LOXL1: variants seen among roughly 807,000 people sequenced by gnomAD.
LOXL1 encodes the protein lysyl oxidase like 1.
In LOXL1, 31 loss-of-function variants were observed where a neutral mutation model predicts 62.2. The ratio of observed to expected loss-of-function variants is 0.50; its 90% CI spans 0.37 to 0.67. The LOEUF (loss-of-function observed/expected upper bound fraction) is 0.67, where lower values mean the gene tolerates loss of function less well. LOXL1 is among the 30% of genes least tolerant of loss of function. LOXL1 has a pLI of 0.00. For synonymous variants in LOXL1, 403 were observed against 384.4 expected, an observed-to-expected ratio of 1.05 and a Z score of -0.56; for missense variants, 775 against 843.4, an observed-to-expected ratio of 0.92 and a Z score of 1.00.
rs1403638685 is a variant in LOXL1, at chr15:73,927,461, C to T, written c.678C>T (p.Tyr226=). The T allele has an allele frequency of 1.4e-6, 2 of 1,448,390 alleles. No homozygotes were observed. Among genetic ancestry groups the T allele is most frequent in the East Asian group, 2.8e-5 (1 of 35,346 alleles). The allele number at this position is 1,448,390 out of a possible 1,614,324, so 89.7% of individuals were successfully genotyped here. The change falls in exon 1 of 7, where the codon TAC becomes TAT. Residue 226 remains tyrosine, a synonymous_variant. Coordinates refer to ENST00000261921, the MANE Select transcript of LOXL1 (RefSeq NM_005576.4). ...CCGTGGCCTCGGCGGGGGTCATCTA[C>T]CCCTACCAGCCCCGGGCGCGCTACG... is the stretch of plus-strand genomic sequence containing the variant. ...AAAVASAGVI[Y]PYQPRARYEE...
chr15:73,942,824 TC>T (rs766249320), intron 1 of LOXL1, 29 bp from the exon 2 acceptor site: 3 of 1,362,044 alleles, frequency 2.2e-6, no homozygotes, highest in East Asian at 4.6e-5. Flanking sequence ...TCTTCCTCCC[TC>T]CCCCCTTCTC....
At chr15:73,942,370 T>C (rs2068719940) in intron 1 of LOXL1, among the ~76,000 whole-genome samples, 1 of 151,796 alleles carries the variant, frequency 6.6e-6, no homozygotes, top group African/African-American at 2.4e-5. Flanking sequence ...AGGGCTCTCT[T>C]GGTGGTTTAC....
At chr15:73,946,295 G>A (rs2068746271) in intron 2 of LOXL1, 122 bp from the exon 3 acceptor site, 1 of 673,104 alleles carries the variant, frequency 1.5e-6, no homozygotes, top group Non-Finnish European at 2.6e-6. Flanking sequence ...AGATCTTCAG[G>A]GACAAGGAGT....
At chr15:73,947,931 C>T (rs754073934) in intron 5 of LOXL1, 29 bp downstream of exon 5, 1 of 1,536,650 alleles carries the variant, frequency 6.5e-7, no homozygotes, top group Non-Finnish European at 9.0e-7. Context: ...GGCTTTCCCT[C>T]CAACCTGATG....
chr15:73,951,023 AG>A (rs1164956761), intron 6 of LOXL1, among the ~76,000 whole-genome samples: 1 of 152,208 alleles, frequency 6.6e-6, no homozygotes, highest in Admixed American at 6.5e-5. Flanking sequence ...CCTGCTCCTC[AG>A]GGCCTGTCTT....
At chr15:73,932,444 CTCAT>C (rs1281077476) in intron 1 of LOXL1, among the ~76,000 whole-genome samples, 2 of 152,168 alleles carry the variant, frequency 1.3e-5, no homozygotes, top group Non-Finnish European at 2.9e-5. Flanking sequence ...CATTTATTCA[CTCAT>C]TCATTTGGTC....
At chr15:73,931,082 G>A (rs1257780213) in intron 1 of LOXL1, among the ~76,000 whole-genome samples, 1 of 149,096 alleles carries the variant, frequency 6.7e-6, no homozygotes, top group African/African-American at 2.5e-5. Context: ...GGGGGTCTTA[G>A]TGCCACCTAA....
chr15:73,938,370 C>A (rs1477116294), intron 1 of LOXL1, among the ~76,000 whole-genome samples: 1 of 151,596 alleles, frequency 6.6e-6, no homozygotes, highest in Admixed American at 6.6e-5. Context: ...GGATGCACAT[C>A]GTGGAATCCT....
chr15:73,931,622 T>C (rs1252437383), intron 1 of LOXL1, among the ~76,000 whole-genome samples: 2 of 152,156 alleles, frequency 1.3e-5, no homozygotes, highest in Non-Finnish European at 2.9e-5. Flanking sequence ...CCTCCTTCTC[T>C]GTCCAGCCTC....
intron 1 of LOXL1, among the ~76,000 whole-genome samples, chr15:73,936,027 CAG>C (rs3056342): frequency 0.29 from 43,074 of 149,146 alleles, 6,815 homozygotes; most frequent in East Asian, 0.55. Flanking sequence ...ACCATGGAGT[CAG>C]GGGGTAAAAA....
In LOXL1 at chr15:73,927,676, C is replaced by T; in HGVS notation, c.893C>T (p.Ala298Val). The T allele has an allele frequency of 6.7e-7, 1 of 1,484,930 alleles. No individual in the cohort carries two copies. The highest frequency in any genetic ancestry group is 2.3e-5 in the Admixed American group (1 of 43,412). The allele number at this position is 1,484,930 out of a possible 1,614,324, so 92.0% of individuals were successfully genotyped here. A position where few individuals can be genotyped will look rare whatever the true frequency, so the allele number is the denominator to read the frequency against. The change falls in exon 1 of 7, where the codon GCG becomes GTG. Residue 298 changes from alanine (A) to valine (V), a missense_variant. Transcript: ENST00000261921. Reference protein sequence around the residue: ...QAYPDPGPEAAQAHGGDPRLG... With the variant: ...QAYPDPGPEAVQAHGGDPRLG... ...TACCCTGACCCCGGTCCCGAGGCGGCGCAGGCCCATGGCGGAGACCCACGC... is the reference window on the plus strand; with the variant it reads ...TACCCTGACCCCGGTCCCGAGGCGGTGCAGGCCCATGGCGGAGACCCACGC...
At chr15:73,948,153 G>A (rs2068760853) in intron 5 of LOXL1, among the ~76,000 whole-genome samples, 1 of 152,234 alleles carries the variant, frequency 6.6e-6, no homozygotes, top group Non-Finnish European at 1.5e-5. Flanking sequence ...AGAGGCAGTG[G>A]TGATACTGTC....
intron 2 of LOXL1, 124 bp downstream of exon 2, chr15:73,943,086 C>A: frequency 1.4e-6 from 1 of 725,218 alleles, no homozygotes; most frequent in Non-Finnish European, 2.4e-6. Flanking sequence ...AGTGCCCCAG[C>A]CTCCCAGGAC....
intron 6 of LOXL1, among the ~76,000 whole-genome samples, chr15:73,950,291 A>G (rs1296309427): frequency 4.3e-5 from 1 of 23,048 alleles, no homozygotes; most frequent in Middle Eastern, 0.024. Flanking sequence ...ACCCTTTTCC[A>G]TTAAAAAAAA....
At chr15:73,948,179 G>A (rs2068760958) in intron 5 of LOXL1, among the ~76,000 whole-genome samples, 1 of 152,204 alleles carries the variant, frequency 6.6e-6, no homozygotes, top group Non-Finnish European at 1.5e-5. Flanking sequence ...AAGTGACAGA[G>A]GACCAGGGAG....
At chr15:73,941,764 GC>G (rs1274472214) in intron 1 of LOXL1, 6 of 153,470 alleles carry the variant, frequency 3.9e-5, no homozygotes, top group African/African-American at 1.4e-4. Flanking sequence ...ACCCACTGCT[GC>G]CCGCACCCAC....
intron 1 of LOXL1, among the ~76,000 whole-genome samples, chr15:73,942,640 C>G (rs113498647): frequency 6.6e-6 from 1 of 152,110 alleles, no homozygotes. Flanking sequence ...GCTCCCACAC[C>G]GCAGAGCTCG....
chr15:73,950,568 G>T (rs2068777361), intron 6 of LOXL1, among the ~76,000 whole-genome samples: 1 of 152,198 alleles, frequency 6.6e-6, no homozygotes, highest in East Asian at 1.9e-4. Context: ...TGTGTGACCA[G>T]GATCAGGGTT....
rs1595849916 is a variant in LOXL1, at chr15:73,949,703, G to A, written c.1718+129G>A. On this transcript the variant is annotated intron_variant, in intron 6 of 6. Transcript: ENST00000261921. The stretch of plus-strand genomic sequence containing the variant: ...GATGGCCGAACGCAGCTGCAGCAGG[G>A]CCCATCAAAAAGAGCCTTGTCCGTG... 25 of 669,324 alleles carry A rather than the reference G, an allele frequency of 3.7e-5. No homozygotes were observed. In the East Asian group the frequency reaches 6.5e-4, roughly 17 times the overall value. 41.5% of individuals were successfully genotyped at this position (669,324 alleles called of 1,614,324 possible).
Sources: allele counts gnomAD v4.1 joint callset (sites outside exome capture counted in the v4.1 genomes callset), GRCh38; gene constraint gnomAD v4.1.1; transcripts MANE v1.5; gene names NCBI Gene and HGNC (gene_info 2026-07-23, HGNC 2026-07-21).